The following KANK3 variants were observed in gnomAD, a reference collection of about 807,000 sequenced individuals.
The protein encoded by KANK3 is KN motif and ankyrin repeat domain-containing protein 3.
In KANK3, 61 loss-of-function variants were observed where a neutral mutation model predicts 65.4. That is an observed-to-expected ratio of 0.93 (90% CI 0.76 to 1.15). KANK3 has a LOEUF of 1.15. Ranked by LOEUF, KANK3 falls within the 50% of genes most tolerant of loss-of-function variation. KANK3 has a pLI of 0.00. For missense variants in KANK3, 1,187 were observed against 1,178.8 expected, an observed-to-expected ratio of 1.01 and a Z score of -0.10; for synonymous variants, 586 against 543.3, an observed-to-expected ratio of 1.08 and a Z score of -1.09.
At position 8,333,295 on chromosome 19, in the gene KANK3, T is replaced by C; in HGVS notation, c.1720-65A>G. 11 of 1,319,510 alleles carry C rather than the reference T, an allele frequency of 8.3e-6. No individual in the cohort carries two copies. Among genetic ancestry groups the C allele is most frequent in the Non-Finnish European group, 1.1e-5 (10 of 949,490 alleles). 81.7% of individuals were successfully genotyped at this position (1,319,510 alleles called of 1,614,324 possible). A position where few individuals can be genotyped will look rare whatever the true frequency, so the allele number is the denominator to read the frequency against. On this transcript the variant is annotated intron_variant, in intron 6 of 10. Coordinates refer to ENST00000330915, the MANE Select transcript of KANK3 (RefSeq NM_198471.3). The surrounding 1 kb of genome is among the most constrained non-coding windows in gnomAD (Gnocchi z 5.0). ...CACGGCGGCGCCGTGGTGGGGGAGCTGGGGAGGGGCGGGACTGGGAAGAGA... is the reference window on the plus strand; with the variant it reads ...CACGGCGGCGCCGTGGTGGGGGAGCCGGGGAGGGGCGGGACTGGGAAGAGA...
At position 8,333,625 on chromosome 19, in the gene KANK3, C is replaced by A. The variant is rs1970569547; in HGVS notation, c.1719+99G>T. 5.1e-6 allele frequency: 5 copies of A among 972,114 alleles called. No homozygotes were observed. The highest frequency in any genetic ancestry group is 7.2e-6 in the Non-Finnish European group (5 of 690,416). 60.2% of individuals were successfully genotyped at this position (972,114 alleles called of 1,614,324 possible). ...GCCTGGGGTCAGGCGAGGTGCCTGGCGGGAAGGGATGGAACCCGGTGTGCT... is the reference window on the plus strand; with the variant it reads ...GCCTGGGGTCAGGCGAGGTGCCTGGAGGGAAGGGATGGAACCCGGTGTGCT... On this transcript the variant is annotated intron_variant, in intron 6 of 10. Coordinates refer to ENST00000330915, the MANE Select transcript of KANK3 (RefSeq NM_198471.3). The surrounding 1 kb of genome is among the most constrained non-coding windows in gnomAD (Gnocchi z 5.0).
intron 10 of KANK3, 80 bp downstream of exon 10, chr19:8,324,369 G>A: frequency 7.7e-7 from 1 of 1,295,254 alleles, no homozygotes; most frequent in Non-Finnish European, 1.1e-6. Context: ...AGCAGAAAGG[G>A]AGGCTCAGGG....
chr19:8,334,497 C>G lies in KANK3; in HGVS notation c.1327+3G>C. On this transcript the variant is annotated splice_donor_region_variant and intron_variant, in intron 3 of 10. Transcript: ENST00000330915. ...AGGGCCCAGCGACGGGGTCGGGACT[C>G]ACCCGCGGGCGCCACGGCCCTGTCT... is the stretch of plus-strand genomic sequence containing the variant. The G allele has an allele frequency of 1.2e-6, 2 of 1,605,548 alleles. No homozygotes were observed. Among genetic ancestry groups the G allele is most frequent in the South Asian group, 1.1e-5 (1 of 90,950 alleles).
chr19:8,334,921 C>T lies in KANK3; in HGVS notation c.906G>A (p.Glu302=), dbSNP rs979686611. ...TCTCGGGCACGGCCTCGGCGGCCAC[C>T]TCCCGGGTCTGGGGCGTCCCATCGA... The part of the protein sequence containing the change: ...GSLDGTPQTR[E]VAAEAVPETR... The change falls in exon 3 of 11, where the codon GAG becomes GAA. Residue 302 remains glutamate (E), a synonymous_variant. Coordinates refer to ENST00000330915, the MANE Select transcript of KANK3 (RefSeq NM_198471.3). 9 of 1,467,928 alleles carry T rather than the reference C, an allele frequency of 6.1e-6. No homozygotes were observed. In the African/African-American group the frequency reaches 1.3e-4, roughly 22 times the overall value. 90.9% of individuals were successfully genotyped at this position (1,467,928 alleles called of 1,614,324 possible).
At position 8,333,736 on chromosome 19, in the gene KANK3, T is replaced by C; in HGVS notation, c.1707A>G (p.Val569=). 1 of 1,463,726 alleles carries C rather than the reference T, an allele frequency of 6.8e-7. No individual in the cohort carries two copies. The highest frequency in any genetic ancestry group is 9.1e-7 in the Non-Finnish European group (1 of 1,104,550). The allele number at this position is 1,463,726 out of a possible 1,614,324, so 90.7% of individuals were successfully genotyped here. The change falls in exon 6 of 11, where the codon GTA becomes GTG. Residue 569 remains valine (V), a synonymous_variant. Transcript: ENST00000330915. This position sits in a 1 kb window ranked among gnomAD's most constrained non-coding sequence, Gnocchi z 5.0. The part of the protein sequence containing the change: ...LQRQLSRPRG[V]ASDGGAVRLV... ...CCGGGGCACTCACGCCGTCGCTGGC[T>C]ACTCCGCGGGGCCGGCTCAGCTGCC...
At chr19:8,334,193 G>T in intron 4 of KANK3, 77 bp from the exon 5 acceptor site, 1 of 1,502,072 alleles carries the variant, frequency 6.7e-7, no homozygotes, top group Admixed American at 2.1e-5. Flanking sequence ...GGGTGTGGCC[G>T]TTCCCATTTA....
Position 8,322,899 on chromosome 19 carries a change from C to G in KANK3, c.2406G>C (p.Gln802His), listed in dbSNP as rs753750184. The G allele has an allele frequency of 6.4e-7, 1 of 1,554,984 alleles. No homozygotes were observed. Among genetic ancestry groups the G allele is most frequent in the East Asian group, 2.4e-5 (1 of 42,430 alleles). The change falls in exon 11 of 11, where the codon CAG (glutamine) becomes CAC (histidine). Residue 802 changes from glutamine to histidine, a missense_variant. Transcript: ENST00000330915. ...ATTCTCCTTCACCAGGTGTGGCTGTCTGGGAGCCAGGGGGTGACTCGCTCT... is the reference window on the plus strand; with the variant it reads ...ATTCTCCTTCACCAGGTGTGGCTGTGTGGGAGCCAGGGGGTGACTCGCTCT... ...DTQSESPPGS[Q>H]TATPGEGECG...
rs753666867 is a variant in KANK3 at position 8,335,497 on chromosome 19, C to T, written c.330G>A (p.Ala110=). The T allele has an allele frequency of 5.7e-6, 7 of 1,238,206 alleles. 1 individual carries two copies. The highest frequency in any genetic ancestry group is 7.1e-6 in the Non-Finnish European group (7 of 985,756). The allele number at this position is 1,238,206 out of a possible 1,614,324, so 76.7% of individuals were successfully genotyped here. Residue 110 remains alanine (A), a synonymous_variant, in exon 3 of 11, where the codon GCG becomes GCA. Coordinates refer to ENST00000330915, the MANE Select transcript of KANK3 (RefSeq NM_198471.3). The part of the protein sequence containing the change: ...GGAPGILSQG[A]PSGLLMQPLS... ...GCGGCTGCATCAGGAGCCCCGAGGG[C>T]GCGCCCTGGGAGAGTATGCCCGGTG...
At chr19:8,326,153 C>T (rs933042418) in intron 7 of KANK3, among the ~76,000 whole-genome samples, 24 of 151,894 alleles carry the variant, frequency 1.6e-4, no homozygotes, top group Non-Finnish European at 3.2e-4. Context: ...ATTTGGTTGC[C>T]AGGACACTGG....
chr19:8,335,149 G>A lies in KANK3; in HGVS notation c.678C>T (p.Ala226=), dbSNP rs1054970053. Residue 226 remains alanine, a synonymous_variant, in exon 3 of 11, where the codon GCC becomes GCT. Transcript: ENST00000330915. ...CGTCCGGCTCGGGCTGCGCGCGCCC[G>A]GCCAGCAGCCGCGCCTTCTCGGCGC... ...ALRAEKARLL[A]GRAQPEPDGE... is the part of the protein sequence containing the mutation. 3 of 1,220,296 alleles carry A rather than the reference G, an allele frequency of 2.5e-6. No homozygotes were observed. Among genetic ancestry groups the A allele is most frequent in the Non-Finnish European group, 3.1e-6 (3 of 981,884 alleles). The allele number at this position is 1,220,296 out of a possible 1,614,324, so 75.6% of individuals were successfully genotyped here. A position where few individuals can be genotyped will look rare whatever the true frequency, so the allele number is the denominator to read the frequency against.
Position 8,324,619 on chromosome 19 carries a change from T to TG in KANK3, c.2283+10dup. 2.5e-6 allele frequency: 4 copies of TG among 1,613,490 alleles called. No individual in the cohort carries two copies. Among genetic ancestry groups the TG allele is most frequent in the Non-Finnish European group, 3.4e-6 (4 of 1,179,600 alleles). On this transcript the variant is annotated intron_variant, in intron 9 of 10. Coordinates refer to ENST00000330915, the MANE Select transcript of KANK3 (RefSeq NM_198471.3). The stretch of plus-strand genomic sequence containing the variant: ...ACCCCCCAAGATGCCAGCCCCATTG[T>TG]GGGGTCTTACATTGTCCAGGATGGC...
chr19:8,332,987 T>TTGGGCGC, intron 7 of KANK3, 27 bp downstream of exon 7: 1 of 395,198 alleles, frequency 2.5e-6, no homozygotes, highest in Non-Finnish European at 4.8e-6. Flanking sequence ...TTTCCTGGTG[T>TTGGGCGC]CCCACCCACC....
At position 8,333,350 on chromosome 19, in the gene KANK3, A is replaced by G; in HGVS notation, c.1720-120T>C. ...TTTGGCGTTTCCAGGCAAGTAAGGA[A>G]GGTCACTCCTCGTCCAGGTGGGGAG... On this transcript the variant is annotated intron_variant, in intron 6 of 10. Coordinates refer to ENST00000330915, the MANE Select transcript of KANK3 (RefSeq NM_198471.3). The surrounding 1 kb of genome is among the most constrained non-coding windows in gnomAD (Gnocchi z 5.0). 2.5e-6 allele frequency: 2 copies of G among 791,940 alleles called. No individual in the cohort carries two copies. 49.1% of individuals were successfully genotyped at this position (791,940 alleles called of 1,614,324 possible). A position where few individuals can be genotyped will look rare whatever the true frequency, so the allele number is the denominator to read the frequency against.
intron 7 of KANK3, among the ~76,000 whole-genome samples, chr19:8,331,980 CTTTTTTTTTTTTT>C (rs1166441751): frequency 7.4e-5 from 5 of 67,892 alleles, no homozygotes; most frequent in Admixed American, 2.0e-4. Context: ...CAAAAGGCCT[CTTTTTTTTTTTTT>C]TTTTTTTTTT....
Position 8,335,385 on chromosome 19 carries a change from C to T in KANK3, c.442G>A (p.Glu148Lys), listed in dbSNP as rs1373195335. 5.0e-6 allele frequency: 6 copies of T among 1,198,728 alleles called. No individual in the cohort carries two copies. The highest frequency in any genetic ancestry group is 6.2e-6 in the Non-Finnish European group (6 of 967,100). The allele number at this position is 1,198,728 out of a possible 1,614,324, so 74.3% of individuals were successfully genotyped here. A position where few individuals can be genotyped will look rare whatever the true frequency, so the allele number is the denominator to read the frequency against. ...SRRLELAQTH[E>K]RAPSPGRGVP... is the part of the protein sequence containing the mutation. ...CCGCGGCCGGGGCTGGGCGCGCGCT[C>T]GTGTGTCTGCGCCAGCTCCAGCCGC... The change falls in exon 3 of 11, where the codon GAG becomes AAG. Residue 148 changes from glutamate (E) to lysine (K), a missense_variant. Transcript: ENST00000330915.
chr19:8,332,976 ATT>A, intron 7 of KANK3, 36 bp downstream of exon 7: 1 of 437,238 alleles, frequency 2.3e-6, no homozygotes, highest in South Asian at 2.2e-5. Flanking sequence ...CCCCCCACCC[ATT>A]TCCTGGTGTC....
intron 7 of KANK3, among the ~76,000 whole-genome samples, chr19:8,326,480 G>GT (rs1334020093): frequency 4.1e-5 from 2 of 48,786 alleles, no homozygotes; most frequent in Admixed American, 4.7e-4. Flanking sequence ...GCCACCTGTT[G>GT]TAAAAAAAAA....
chr19:8,322,912 G>A lies in KANK3; in HGVS notation c.2393C>T (p.Pro798Leu). 1 of 1,540,234 alleles carries A rather than the reference G, an allele frequency of 6.5e-7. No homozygotes were observed. The highest frequency in any genetic ancestry group is 8.7e-7 in the Non-Finnish European group (1 of 1,143,090). Residue 798 changes from proline to leucine, a missense_variant, in exon 11 of 11, where the codon CCC (proline) becomes CTC (leucine). By Grantham distance (98) the Pro-to-Leu change is moderately conservative (BLOSUM62 -3). Around this residue, in one of 3 missense-constraint regions of KANK3, gnomAD observed 1,078 missense variants for 1,038.2 expected, o/e 1.04. Transcript: ENST00000330915. Reference protein sequence around the residue: ...SGQPDTQSESPPGSQTATPGE... With the variant: ...SGQPDTQSESLPGSQTATPGE... ...AGGTGTGGCTGTCTGGGAGCCAGGG[G>A]GTGACTCGCTCTGGAGAGAGGGGAA...
At chr19:8,342,770 A>T (rs1347386305) in intron 1 of KANK3, among the ~76,000 whole-genome samples, 4 of 152,184 alleles carry the variant, frequency 2.6e-5, no homozygotes, top group African/African-American at 7.2e-5. Flanking sequence ...GCACAGAGAC[A>T]GAGCAGTTTC....
Sources: allele counts gnomAD v4.1 joint callset (sites outside exome capture counted in the v4.1 genomes callset), GRCh38; gene constraint gnomAD v4.1.1; regional missense constraint gnomAD v4.1.1; non-coding constraint Gnocchi (gnomAD v3.1); transcripts MANE v1.5; gene names NCBI Gene and HGNC (gene_info 2026-07-23, HGNC 2026-07-21).